TMCO6: variants seen among roughly 807,000 people sequenced by gnomAD.
TMCO6 encodes transmembrane and coiled-coil domains 6.
In TMCO6, 47 loss-of-function variants were observed where a neutral mutation model predicts 61.8. That is an observed-to-expected ratio of 0.76 (90% CI 0.60 to 0.97). TMCO6 has a LOEUF of 0.97. Among genes scored for constraint, TMCO6 ranks in the 50% least tolerant of loss-of-function variants. TMCO6 has a pLI of 0.00. For synonymous variants in TMCO6, 261 were observed against 254.2 expected (o/e 1.03, Z -0.25); for missense variants, 557 against 601.6 (o/e 0.93, Z 0.78).
chr5:140,632,730 G>C, the TMCO6 span: 2 of 1,613,568 alleles, frequency 1.2e-6, no homozygotes, highest in South Asian at 1.1e-5. The surrounding 1 kb of genome is among the most constrained non-coding windows in gnomAD (Gnocchi z 6.2). Flanking sequence ...AGCCTTGACC[G>C]TGTCAGCATA....
the TMCO6 span, chr5:140,609,436 T>C: frequency 3.4e-4 from 63 of 187,622 alleles, no homozygotes; most frequent in East Asian, 3.2e-3. Flanking sequence ...ATAAAATCTT[T>C]ATTTTATTAT....
chr5:140,645,810 A>G, downstream of TMCO6: 1 of 1,434,558 alleles, frequency 7.0e-7, no homozygotes, highest in Non-Finnish European at 9.5e-7. Flanking sequence ...ATCAAAATAC[A>G]TTTGGTATGC....
At chr5:140,603,677 G>GT in the TMCO6 span, among the ~76,000 whole-genome samples, 70 of 109,596 alleles carry the variant, frequency 6.4e-4, no homozygotes, top group Middle Eastern at 8.2e-3. Context: ...CAATATTTGG[G>GT]GTTTTTTTTT....
chr5:140,617,525 G>A, the TMCO6 span, among the ~76,000 whole-genome samples: 139 of 152,256 alleles, frequency 9.1e-4, no homozygotes, highest in African/African-American at 3.2e-3. Context: ...ACTCCAGCCT[G>A]GGCAACAGAG....
chr5:140,635,711 C>T (rs1366548571), upstream of TMCO6, among the ~76,000 whole-genome samples: 3 of 152,134 alleles, frequency 2.0e-5, no homozygotes, highest in Admixed American at 6.5e-5. Flanking sequence ...CCAGAACTTC[C>T]GTCCATAGTG....
Position 140,641,676 on chromosome 5 carries a change from C to A in TMCO6, c.210C>A (p.Phe70Leu), listed in dbSNP as rs758110652. ...GCCCTGAACTCCAGGTGCAGCAGTT[C>A]CTGCGGCAAGCCCAGCGGGGGACAG... ...AILGETEVQQ[F>L]LRQAQRGTEE... is the part of the protein sequence containing the mutation. Residue 70 changes from phenylalanine to leucine, a missense_variant, in exon 3 of 12, where the codon TTC becomes TTA. Transcript: ENST00000394671. The A allele has an allele frequency of 5.0e-6, 8 of 1,613,754 alleles. No individual in the cohort carries two copies. The highest frequency in any genetic ancestry group is 8.5e-7 in the Non-Finnish European group (1 of 1,179,936).
the TMCO6 span, among the ~76,000 whole-genome samples, chr5:140,615,820 A>C: frequency 6.6e-6 from 1 of 152,214 alleles, no homozygotes; most frequent in Non-Finnish European, 1.5e-5. Flanking sequence ...TATAAGAGCA[A>C]AAAGTATAAA....
chr5:140,612,124 G>A, the TMCO6 span, among the ~76,000 whole-genome samples: 111 of 152,136 alleles, frequency 7.3e-4, no homozygotes, highest in Non-Finnish European at 1.4e-3. Flanking sequence ...CAGGGAAACT[G>A]ATTTGAGATC....
At chr5:140,607,791 CT>C in the TMCO6 span, among the ~76,000 whole-genome samples, 46 of 138,016 alleles carry the variant, frequency 3.3e-4, no homozygotes, top group Non-Finnish European at 4.8e-4. Context: ...TTTCTATTTT[CT>C]TTTTTTTTTT....
downstream of TMCO6, chr5:140,647,703 GC>G: frequency 7.1e-7 from 1 of 1,407,456 alleles, no homozygotes; most frequent in Non-Finnish European, 9.8e-7. Context: ...GTAAAGCTTG[GC>G]CAATGATATA....
chr5:140,632,032 G>T, the TMCO6 span: 3 of 1,614,090 alleles, frequency 1.9e-6, no homozygotes, highest in Admixed American at 1.7e-5. This position sits in a 1 kb window ranked among gnomAD's most constrained non-coding sequence, Gnocchi z 6.2. Context: ...ACCTCGGGCA[G>T]CTCGTCAGGC....
chr5:140,640,009 T>C (rs1756921820), intron 2 of TMCO6, 158 bp downstream of exon 2: 2 of 648,348 alleles, frequency 3.1e-6, no homozygotes, highest in African/African-American at 1.8e-5. Context: ...TGCACAACTC[T>C]TTGACCCACA....
Position 140,641,757 on chromosome 5 carries a change from T to C in TMCO6, c.291T>C (p.Pro97=). ...LVSLRRGLQH[P]ETQQTFIRLE... is the part of the protein sequence containing the mutation. The stretch of plus-strand genomic sequence containing the variant: ...GCCTTCGTCGAGGCTTGCAGCACCC[T>C]GAAACACAGCAAACCTTCATCCGGT... Residue 97 remains proline (P), a synonymous_variant, in exon 3 of 12, where the codon CCT becomes CCC. Transcript: ENST00000394671. 1 of 1,614,184 alleles carries C rather than the reference T, an allele frequency of 6.2e-7. No homozygotes were observed. Among genetic ancestry groups the C allele is most frequent in the Non-Finnish European group, 8.5e-7 (1 of 1,180,020 alleles).
At chr5:140,644,873 C>A in intron 11 of TMCO6, 112 bp from the exon 12 acceptor site, 1 of 1,504,354 alleles carries the variant, frequency 6.6e-7, no homozygotes. Flanking sequence ...TCAGAAACTT[C>A]ATCCTCTTGT....
chr5:140,606,989 T>TA, the TMCO6 span, among the ~76,000 whole-genome samples: 248 of 133,614 alleles, frequency 1.9e-3, 2 homozygotes, highest in East Asian at 0.036. Context: ...GTTTAAAAAG[T>TA]AAAAAAAAAA....
upstream of TMCO6, among the ~76,000 whole-genome samples, chr5:140,638,064 G>C (rs775486454): frequency 2.6e-5 from 4 of 150,948 alleles, no homozygotes; most frequent in Non-Finnish European, 4.4e-5. Flanking sequence ...TTGAACACTC[G>C]AACAAAGGAT....
chr5:140,626,733 G>C, the TMCO6 span, among the ~76,000 whole-genome samples: 1 of 152,094 alleles, frequency 6.6e-6, no homozygotes, highest in Non-Finnish European at 1.5e-5. Flanking sequence ...TGTATGTTTA[G>C]TAGAGATGGG....
At chr5:140,642,214 G>T (rs1757082714) in intron 4 of TMCO6, 101 bp from the exon 5 acceptor site, 1 of 1,389,932 alleles carries the variant, frequency 7.2e-7, no homozygotes, top group Middle Eastern at 1.8e-4. Context: ...GAGCCGCAAG[G>T]ATAGCTGCTC....
the TMCO6 span, among the ~76,000 whole-genome samples, chr5:140,627,343 G>A: frequency 3.9e-5 from 6 of 152,118 alleles, no homozygotes; most frequent in Non-Finnish European, 7.3e-5. Flanking sequence ...AACTCCACAT[G>A]TCTCTAGGCA....
Sources: allele counts gnomAD v4.1 joint callset (sites outside exome capture counted in the v4.1 genomes callset), GRCh38; gene constraint gnomAD v4.1.1; non-coding constraint Gnocchi (gnomAD v3.1); transcripts MANE v1.5; gene names NCBI Gene and HGNC (gene_info 2026-07-23, HGNC 2026-07-21).